ADGRL2: variants seen among roughly 807,000 people sequenced by gnomAD.
ADGRL2 encodes the protein adhesion G protein-coupled receptor L2, also known as calcium-independent alpha-latrotoxin receptor 2.
ADGRL2 carries 44 observed loss-of-function variants against 157.4 expected under a neutral mutation model. The ratio of observed to expected loss-of-function variants is 0.28; its 90% CI spans 0.22 to 0.36. The LOEUF is 0.36. Among genes scored for constraint, ADGRL2 ranks in the 10% least tolerant of loss-of-function variants. The pLI is 1.00. For missense variants in ADGRL2, 1,510 were observed against 1,768.9 expected, an observed-to-expected ratio of 0.85 and a Z score of 2.63; for synonymous variants, 585 against 624.7, an observed-to-expected ratio of 0.94 and a Z score of 0.95.
intron 2 of ADGRL2, among the ~76,000 whole-genome samples, chr1:81,769,244 A>G (rs765487252): frequency 1.3e-5 from 2 of 152,170 alleles, no homozygotes; most frequent in Non-Finnish European, 2.9e-5. Flanking sequence ...ATCTTAAAGC[A>G]GCTAAACTTC....
intron 2 of ADGRL2, among the ~76,000 whole-genome samples, chr1:81,772,014 G>T (rs1449110115): frequency 6.6e-6 from 1 of 151,930 alleles, no homozygotes; most frequent in Non-Finnish European, 1.5e-5. Flanking sequence ...CTTTGGGAGG[G>T]GGAGACAGGC....
At chr1:81,848,454 GT>G (rs1336769066) in intron 2 of ADGRL2, among the ~76,000 whole-genome samples, 1 of 151,754 alleles carries the variant, frequency 6.6e-6, no homozygotes, top group Non-Finnish European at 1.5e-5. Flanking sequence ...TGCCAGTCCA[GT>G]TTTCTTGCTG....
chr1:81,908,176 A>G (rs1031478319), intron 3 of ADGRL2, among the ~76,000 whole-genome samples: 2 of 152,188 alleles, frequency 1.3e-5, no homozygotes, highest in Admixed American at 6.5e-5. Context: ...AGTAGGCTAT[A>G]CTATCTCAGT....
chr1:81,481,179 T>C (rs1336962008), intron 2 of ADGRL2, among the ~76,000 whole-genome samples: 1 of 152,220 alleles, frequency 6.6e-6, no homozygotes, highest in Non-Finnish European at 1.5e-5. Flanking sequence ...AGAAATTGTT[T>C]GTGAAAGTAA....
intron 1 of ADGRL2, among the ~76,000 whole-genome samples, chr1:81,359,385 T>C (rs140010186): frequency 6.9e-4 from 105 of 152,182 alleles, no homozygotes; most frequent in Non-Finnish European, 1.1e-3. Flanking sequence ...CAATTCATCT[T>C]TGGGTACCTA....
intron 2 of ADGRL2, among the ~76,000 whole-genome samples, chr1:81,898,881 T>C (rs751117622): frequency 1.3e-5 from 2 of 152,270 alleles, no homozygotes; most frequent in East Asian, 1.9e-4. Flanking sequence ...TTTGCTAACA[T>C]ATATAAACAG....
chr1:81,628,435 A>G (rs2081951774), intron 3 of ADGRL2, among the ~76,000 whole-genome samples: 2 of 152,262 alleles, frequency 1.3e-5, no homozygotes, highest in African/African-American at 2.4e-5. Flanking sequence ...TCCAGCCTTG[A>G]TAACTCTTGA....
At chr1:81,495,583 A>C (rs2078714826) in intron 2 of ADGRL2, among the ~76,000 whole-genome samples, 1 of 152,132 alleles carries the variant, frequency 6.6e-6, no homozygotes, top group South Asian at 2.1e-4. Context: ...TCATTGTTTT[A>C]TTGTGAATCC....
chr1:81,459,335 T>A (rs1028917248), intron 2 of ADGRL2, among the ~76,000 whole-genome samples: 2 of 152,104 alleles, frequency 1.3e-5, no homozygotes, highest in Non-Finnish European at 2.9e-5. Flanking sequence ...CAATTCCTCC[T>A]TCCTCCAAAC....
chr1:81,724,760 A>G (rs145711036), intron 1 of ADGRL2, among the ~76,000 whole-genome samples: 2 of 152,332 alleles, frequency 1.3e-5, no homozygotes, highest in Admixed American at 1.3e-4. Flanking sequence ...AGTAAATTCT[A>G]TGGAGTACAT....
At chr1:81,823,841 G>A (rs1284126691) in intron 1 of ADGRL2, among the ~76,000 whole-genome samples, 1 of 151,942 alleles carries the variant, frequency 6.6e-6, no homozygotes, top group East Asian at 1.9e-4. Context: ...TATGACCCAA[G>A]AACATAAGAG....
intron 2 of ADGRL2, among the ~76,000 whole-genome samples, chr1:81,792,626 A>G (rs939599497): frequency 1.3e-5 from 2 of 152,194 alleles, no homozygotes; most frequent in African/African-American, 4.8e-5. Context: ...TAAAGGTTTT[A>G]TGAGAGATAA....
chr1:81,741,350 G>A (rs534390982), intron 1 of ADGRL2, among the ~76,000 whole-genome samples: 2 of 151,736 alleles, frequency 1.3e-5, no homozygotes, highest in African/African-American at 4.8e-5. Context: ...TACATTTTTA[G>A]TGCTAACCAC....
intron 1 of ADGRL2, among the ~76,000 whole-genome samples, chr1:81,424,541 C>A (rs1196868724): frequency 6.6e-6 from 1 of 152,188 alleles, no homozygotes; most frequent in African/African-American, 2.4e-5. Context: ...TGTCCACAAT[C>A]CACTTTTACC....
intron 11 of ADGRL2, among the ~76,000 whole-genome samples, chr1:81,965,771 ATACT>A (rs931678675): frequency 6.6e-5 from 10 of 152,246 alleles, no homozygotes; most frequent in African/African-American, 2.4e-4. Context: ...TACACTGTTC[ATACT>A]TACAGGCTAA....
chr1:81,557,745 T>TAGCG (rs890400070), intron 2 of ADGRL2: 18 of 152,092 alleles, frequency 1.2e-4, no homozygotes, highest in African/African-American at 4.1e-4. Flanking sequence ...CACGTGGAGC[T>TAGCG]GTCTGAAGAA....
At chr1:81,915,657 A>T (rs2094838985) in intron 3 of ADGRL2, among the ~76,000 whole-genome samples, 2 of 152,152 alleles carry the variant, frequency 1.3e-5, no homozygotes, top group Admixed American at 1.3e-4. Context: ...TTTTGAACAG[A>T]TATAGGCTGG....
At chr1:81,368,718 T>C (rs1226677411) in intron 1 of ADGRL2, among the ~76,000 whole-genome samples, 2 of 152,186 alleles carry the variant, frequency 1.3e-5, no homozygotes, top group African/African-American at 2.4e-5. Context: ...AGTACTTAAC[T>C]GCTCACTGAC....
intron 3 of ADGRL2, among the ~76,000 whole-genome samples, chr1:81,912,507 C>T (rs567857541): frequency 6.6e-6 from 1 of 152,104 alleles, no homozygotes; most frequent in South Asian, 2.1e-4. Context: ...AGGTTTGGCA[C>T]TTAAAGAGTA....
Sources: gnomAD v4.1 joint callset for allele counts (sites outside exome capture counted in the v4.1 genomes callset) on GRCh38, gnomAD v4.1.1 for gene constraint, MANE v1.5 for transcripts, NCBI Gene and HGNC (gene_info 2026-07-23, HGNC 2026-07-21) for gene names.